Variants in USP3 observed in about 807,000 individuals in gnomAD.
USP3 encodes ubiquitin specific peptidase 3.
USP3 carries 20 observed loss-of-function variants against 72.3 expected under a neutral mutation model. The ratio of observed to expected loss-of-function variants is 0.28; its 90% CI spans 0.19 to 0.40. USP3 has a LOEUF of 0.40. Among genes scored for constraint, USP3 ranks in the 10% least tolerant of loss-of-function variants. The pLI is 1.00. For missense variants in USP3, 479 were observed against 633.9 expected (o/e 0.76, Z 2.62); for synonymous variants, 222 against 225.3 (o/e 0.99, Z 0.13).
chr15:63,577,751 AAAAT>A (rs1243349433), intron 11 of USP3, among the ~76,000 whole-genome samples: 4 of 151,942 alleles, frequency 2.6e-5, no homozygotes, highest in East Asian at 3.9e-4. Flanking sequence ...ACTCCGTCTC[AAAAT>A]AAATAAATAA....
intron 1 of USP3, among the ~76,000 whole-genome samples, chr15:63,514,565 C>T (rs537615274): frequency 6.6e-6 from 1 of 151,990 alleles, no homozygotes; most frequent in African/African-American, 2.4e-5. Flanking sequence ...TTTCCCCCTC[C>T]ACTTTGTACT....
intron 1 of USP3, among the ~76,000 whole-genome samples, chr15:63,527,669 A>G (rs2066004430): frequency 6.6e-6 from 1 of 151,880 alleles, no homozygotes; most frequent in Non-Finnish European, 1.5e-5. Flanking sequence ...TGTTTTAAGA[A>G]CTCCTTTTCT....
At chr15:63,560,642 C>T (rs1012186126) in intron 7 of USP3, among the ~76,000 whole-genome samples, 1 of 151,358 alleles carries the variant, frequency 6.6e-6, no homozygotes, top group African/African-American at 2.4e-5. Flanking sequence ...AATTTGTAGT[C>T]AACAGATTAG....
At chr15:63,562,437 T>A (rs1047954705) in intron 7 of USP3, among the ~76,000 whole-genome samples, 2 of 152,058 alleles carry the variant, frequency 1.3e-5, no homozygotes, top group African/African-American at 4.8e-5. Flanking sequence ...CTTTTGGAGT[T>A]GAGAGTCACT....
chr15:63,519,851 A>G (rs1253055160), intron 1 of USP3, among the ~76,000 whole-genome samples: 1 of 151,710 alleles, frequency 6.6e-6, no homozygotes, highest in African/African-American at 2.4e-5. Context: ...ACTTATCTTA[A>G]TAAGCACTCG....
chr15:63,555,826 T>A (rs891276025), intron 4 of USP3, among the ~76,000 whole-genome samples: 4 of 152,198 alleles, frequency 2.6e-5, no homozygotes, highest in Admixed American at 6.5e-5. Flanking sequence ...TCACTAGTTC[T>A]GATGTTTCAA....
At chr15:63,509,252 A>G (rs1001206951) in intron 1 of USP3, among the ~76,000 whole-genome samples, 1 of 152,174 alleles carries the variant, frequency 6.6e-6, no homozygotes, top group Non-Finnish European at 1.5e-5. Context: ...GTAACATTCT[A>G]TGATGTCTTT....
In USP3 at chr15:63,570,190, G is replaced by T. The variant is rs1449121435; in HGVS notation, c.762-243G>T. ...AATTTCCTCACCTCTGAAGTGAGGA[G>T]ATCATTGCAAATCCAATTAGCTCCA... On this transcript the variant is annotated intron_variant, in intron 8 of 14. Coordinates refer to ENST00000380324, the MANE Select transcript of USP3 (RefSeq NM_006537.4). The surrounding 1 kb of genome is among the most constrained non-coding windows in gnomAD (Gnocchi z 4.4). 6.6e-6 allele frequency among the ~76,000 whole-genome samples: 1 copy of T among 152,202 alleles called. No individual in the cohort carries two copies. Among genetic ancestry groups the T allele is most frequent in the East Asian group, 1.9e-4 (1 of 5,190 alleles).
chr15:63,531,238 T>G (rs1467689506), intron 1 of USP3, among the ~76,000 whole-genome samples: 2 of 152,176 alleles, frequency 1.3e-5, no homozygotes, highest in African/African-American at 4.8e-5. Flanking sequence ...TTTATTTAAC[T>G]CATTAATGAG....
intron 11 of USP3, chr15:63,586,593 T>C (rs1258721344): frequency 1.3e-5 from 2 of 152,270 alleles, no homozygotes; most frequent in Non-Finnish European, 1.5e-5. Flanking sequence ...TCAGTGCTCT[T>C]TCTTTGTAGC....
intron 4 of USP3, among the ~76,000 whole-genome samples, chr15:63,554,605 C>G (rs2066482194): frequency 6.6e-6 from 1 of 152,134 alleles, no homozygotes; most frequent in Non-Finnish European, 1.5e-5. Flanking sequence ...AAAACATCCA[C>G]AAAGCAGGAG....
In USP3 at chr15:63,570,354, C is replaced by T. The variant is rs1433124167; in HGVS notation, c.762-79C>T. 9.4e-6 allele frequency: 15 copies of T among 1,590,646 alleles called. No individual in the cohort carries two copies. Among genetic ancestry groups the T allele is most frequent in the East Asian group, 4.5e-5 (2 of 44,528 alleles). ...AGCACGGGGCTGCCGTCCTTTTCCA[C>T]GCCTTGGCCTCTTGCTGGTGTGGCT... On this transcript the variant is annotated intron_variant, in intron 8 of 14. Coordinates refer to ENST00000380324, the MANE Select transcript of USP3 (RefSeq NM_006537.4). This position sits in a 1 kb window ranked among gnomAD's most constrained non-coding sequence, Gnocchi z 4.4.
Position 63,546,259 on chromosome 15 carries a change from C to CT in USP3, c.285-7451dup, listed in dbSNP as rs532774705. 1.4e-3 allele frequency among the ~76,000 whole-genome samples: 209 copies of CT among 152,190 alleles called. 2 individuals are homozygous for CT. The highest frequency in any genetic ancestry group is 4.7e-3 in the African/African-American group (196 of 41,510). On this transcript the variant is annotated intron_variant, in intron 3 of 14. Coordinates refer to ENST00000380324, the MANE Select transcript of USP3 (RefSeq NM_006537.4). ...TATAAATAAGAAAGGAGAAATCGAG[C>CT]TTTTTCAAATACTATGGATTTCAGC...
Position 63,537,174 on chromosome 15 carries a change from G to A in USP3, c.284+18G>A. On this transcript the variant is annotated intron_variant, in intron 3 of 14. Coordinates refer to ENST00000380324, the MANE Select transcript of USP3 (RefSeq NM_006537.4). ...ACATACTGGTAAGTTAACATTTTCT[G>A]GAAATGAGATTTCTTACTGTGTGCA... 6.2e-7 allele frequency: 1 copy of A among 1,606,944 alleles called. No individual in the cohort carries two copies. Among genetic ancestry groups the A allele is most frequent in the Non-Finnish European group, 8.5e-7 (1 of 1,176,686 alleles).
At chr15:63,532,857 C>G (rs1480501098) in intron 2 of USP3, 150 bp downstream of exon 2, 7 of 785,246 alleles carry the variant, frequency 8.9e-6, no homozygotes, top group Non-Finnish European at 1.4e-5. Flanking sequence ...AGTTGAATCC[C>G]TTTGTTCTGT....
At chr15:63,509,335 G>A (rs1179296759) in intron 1 of USP3, among the ~76,000 whole-genome samples, 1 of 152,168 alleles carries the variant, frequency 6.6e-6, no homozygotes, top group Non-Finnish European at 1.5e-5. Flanking sequence ...TCACTTAGAT[G>A]TGTCTGGCAG....
At chr15:63,526,926 G>T (rs1215418810) in intron 1 of USP3, among the ~76,000 whole-genome samples, 3 of 152,212 alleles carry the variant, frequency 2.0e-5, no homozygotes, top group Non-Finnish European at 4.4e-5. Context: ...ACAGGGTCTT[G>T]CTTTGTCGCC....
chr15:63,522,320 A>G (rs2065931055), intron 1 of USP3, among the ~76,000 whole-genome samples: 1 of 152,234 alleles, frequency 6.6e-6, no homozygotes, highest in Admixed American at 6.5e-5. Flanking sequence ...AGTGGATTAC[A>G]TATGTGTTGA....
In USP3 at chr15:63,588,014, A is replaced by G. The variant is rs949433114; in HGVS notation, c.1097-291A>G. The stretch of plus-strand genomic sequence containing the variant: ...GAAACTTTAAATTCATCAGGAAACC[A>G]TTTTATCAGAATTATCCAGATGAAT... On this transcript the variant is annotated intron_variant, in intron 11 of 14. Coordinates refer to ENST00000380324, the MANE Select transcript of USP3 (RefSeq NM_006537.4). The surrounding 1 kb of genome is among the most constrained non-coding windows in gnomAD (Gnocchi z 4.6). 2 of 229,166 alleles carry G rather than the reference A, an allele frequency of 8.7e-6. No individual in the cohort carries two copies. The highest frequency in any genetic ancestry group is 1.7e-5 in the Non-Finnish European group (2 of 118,170). 14.2% of individuals were successfully genotyped at this position (229,166 alleles called of 1,614,324 possible). A position where few individuals can be genotyped will look rare whatever the true frequency, so the allele number is the denominator to read the frequency against.
Sources: gnomAD v4.1 joint callset for allele counts (sites outside exome capture counted in the v4.1 genomes callset) on GRCh38, gnomAD v4.1.1 for gene constraint, Gnocchi (gnomAD v3.1) non-coding constraint, MANE v1.5 for transcripts, NCBI Gene and HGNC (gene_info 2026-07-23, HGNC 2026-07-21) for gene names.